The following LINGO2 variants were observed in gnomAD, a reference collection of about 807,000 sequenced individuals.
The protein encoded by LINGO2 is leucine rich repeat and Ig domain containing 2.
Under a neutral mutation model 30.6 loss-of-function variants are expected in LINGO2, and 14 were observed. That is an observed-to-expected ratio of 0.46 (90% CI 0.30 to 0.72). The LOEUF is 0.72. Ranked by LOEUF, LINGO2 falls within the 30% of genes least tolerant of loss-of-function variation. The pLI, the probability that LINGO2 is intolerant of heterozygous loss-of-function variation, is 0.07. For synonymous variants in LINGO2, 317 were observed against 288.5 expected, an observed-to-expected ratio of 1.10 and a Z score of -1.00; for missense variants, 729 against 751.7, an observed-to-expected ratio of 0.97 and a Z score of 0.35.
chr9:28,444,213 G>C (rs1343966114), intron 2 of LINGO2, among the ~76,000 whole-genome samples: 1 of 152,158 alleles, frequency 6.6e-6, no homozygotes, highest in African/African-American at 2.4e-5. Context: ...GCTGTAACAT[G>C]TTCCTGGCCA....
At chr9:28,642,096 A>C (rs544698920) in intron 1 of LINGO2, among the ~76,000 whole-genome samples, 1 of 151,852 alleles carries the variant, frequency 6.6e-6, no homozygotes, top group Admixed American at 6.6e-5. Context: ...TGTGCATATA[A>C]AAATATAAAT....
intron 4 of LINGO2, among the ~76,000 whole-genome samples, chr9:28,102,713 G>A (rs899628159): frequency 6.6e-6 from 1 of 152,060 alleles, no homozygotes; most frequent in Admixed American, 6.6e-5. Flanking sequence ...AGCCATACGA[G>A]TTTGATCCCT....
At chr9:29,098,554 T>C in the LINGO2 span, among the ~76,000 whole-genome samples, 2 of 151,808 alleles carry the variant, frequency 1.3e-5, no homozygotes, top group South Asian at 4.2e-4. Flanking sequence ...GAGGCAACAG[T>C]ATGTGGAAGT....
intron 1 of LINGO2, among the ~76,000 whole-genome samples, chr9:28,664,784 C>T (rs1204215857): frequency 1.3e-5 from 2 of 151,658 alleles, no homozygotes; most frequent in South Asian, 2.1e-4. Flanking sequence ...TAATTCAGGT[C>T]CCAGCTTAAA....
chr9:28,950,380 G>C, the LINGO2 span, among the ~76,000 whole-genome samples: 1 of 152,078 alleles, frequency 6.6e-6, no homozygotes, highest in South Asian at 2.1e-4. Context: ...ACATAATATC[G>C]GAAGTTCTGG....
the LINGO2 span, among the ~76,000 whole-genome samples, chr9:28,808,173 T>C: frequency 6.6e-6 from 1 of 152,192 alleles, no homozygotes; most frequent in African/African-American, 2.4e-5. Context: ...CAAAAGCTTT[T>C]AGAGCTAAAT....
At chr9:28,955,004 G>A in the LINGO2 span, among the ~76,000 whole-genome samples, 1 of 152,060 alleles carries the variant, frequency 6.6e-6, no homozygotes, top group Non-Finnish European at 1.5e-5. Context: ...ATCAACTGAG[G>A]GAATTGGCAA....
chr9:28,459,335 G>A (rs1824982605), intron 2 of LINGO2, among the ~76,000 whole-genome samples: 1 of 151,728 alleles, frequency 6.6e-6, no homozygotes, highest in Admixed American at 6.6e-5. Flanking sequence ...CCAAAAGTTA[G>A]GTAATTACAT....
intron 4 of LINGO2, among the ~76,000 whole-genome samples, chr9:28,233,063 A>T (rs867535300): frequency 3.4e-5 from 3 of 89,544 alleles, no homozygotes; most frequent in African/African-American, 1.7e-4. Context: ...TATATATATT[A>T]GATATATAAT....
intron 2 of LINGO2, among the ~76,000 whole-genome samples, chr9:28,435,715 A>C (rs1432264763): frequency 6.6e-6 from 1 of 152,216 alleles, no homozygotes; most frequent in African/African-American, 2.4e-5. Flanking sequence ...TGTATCAAGT[A>C]GCTCTCTCCT....
intron 4 of LINGO2, among the ~76,000 whole-genome samples, chr9:28,231,829 A>T (rs1213513126): frequency 6.6e-6 from 1 of 152,188 alleles, no homozygotes; most frequent in Non-Finnish European, 1.5e-5. Context: ...CTAAGCATGC[A>T]CAAAAATGGA....
chr9:28,074,953 T>A (rs1587813487), intron 4 of LINGO2, among the ~76,000 whole-genome samples: 3 of 151,126 alleles, frequency 2.0e-5, no homozygotes, highest in African/African-American at 7.2e-5. Context: ...CAATATTTTA[T>A]ACTTATAAAA....
intron 2 of LINGO2, among the ~76,000 whole-genome samples, chr9:28,405,743 A>G (rs1456704766): frequency 6.6e-6 from 1 of 152,184 alleles, no homozygotes; most frequent in African/African-American, 2.4e-5. Flanking sequence ...TCAAGTTTCC[A>G]GACATTGGTG....
chr9:28,310,618 G>C (rs1564113680), intron 3 of LINGO2, among the ~76,000 whole-genome samples: 2 of 152,180 alleles, frequency 1.3e-5, no homozygotes. Context: ...AAACTTGTGA[G>C]GGTGATGGAT....
At chr9:28,284,060 T>C (rs928822132) in intron 4 of LINGO2, among the ~76,000 whole-genome samples, 1 of 152,150 alleles carries the variant, frequency 6.6e-6, no homozygotes, top group Admixed American at 6.6e-5. Flanking sequence ...CGTTAGCCTC[T>C]GGCATGACTC....
chr9:28,149,105 C>T lies in LINGO2; in HGVS notation c.-86-136700G>A, dbSNP rs199698594. On this transcript the variant is annotated intron_variant, in intron 4 of 5. Transcript: ENST00000379992. The stretch of plus-strand genomic sequence containing the variant: ...GGGTCAGGCTTCCCAAAGAGAAGGA[C>T]GCCTCCAGCAGGGCAACATGTGTAA... 355 of 1,527,520 alleles carry T rather than the reference C, an allele frequency of 2.3e-4. 1 individual carries two copies. Among genetic ancestry groups the T allele is most frequent in the Admixed American group, 2.4e-4 (12 of 50,974 alleles). 94.6% of individuals were successfully genotyped at this position (1,527,520 alleles called of 1,614,324 possible).
intron 1 of LINGO2, among the ~76,000 whole-genome samples, chr9:28,597,091 C>T (rs1256728711): frequency 6.6e-6 from 1 of 152,114 alleles, no homozygotes; most frequent in Non-Finnish European, 1.5e-5. Flanking sequence ...AGATATTCTT[C>T]ACGGGGTTGA....
intron 2 of LINGO2, among the ~76,000 whole-genome samples, chr9:28,464,060 T>G (rs1825195223): frequency 1.3e-5 from 2 of 152,180 alleles, no homozygotes; most frequent in Admixed American, 1.3e-4. Context: ...TCCCTAACAC[T>G]TAAGGTTGGG....
intron 1 of LINGO2, among the ~76,000 whole-genome samples, chr9:28,539,577 CTG>C (rs912829787): frequency 9.9e-5 from 15 of 152,054 alleles, no homozygotes; most frequent in African/African-American, 3.4e-4. Context: ...ATCTGCCAGA[CTG>C]TGTTACCTGT....
Sources: allele counts gnomAD v4.1 joint callset (sites outside exome capture counted in the v4.1 genomes callset), GRCh38; gene constraint gnomAD v4.1.1; transcripts MANE v1.5; gene names NCBI Gene and HGNC (gene_info 2026-07-23, HGNC 2026-07-21).